CASZ1: variants seen among roughly 807,000 people sequenced by gnomAD.
CASZ1 encodes zinc finger protein castor homolog 1.
Under a neutral mutation model 135.2 loss-of-function variants are expected in CASZ1, and 28 were observed. The observed-to-expected ratio is 0.21, with a 90% CI of 0.15 to 0.28. The LOEUF (loss-of-function observed/expected upper bound fraction) is 0.28, where lower values mean the gene tolerates loss of function less well. Ranked by LOEUF, CASZ1 falls within the 10% of genes least tolerant of loss-of-function variation. The pLI is 1.00. For missense variants in CASZ1, 2,161 were observed against 2,453.3 expected (o/e 0.88, Z 2.52); for synonymous variants, 1,068 against 1,073.4 (o/e 0.99, Z 0.10).
chr1:10,710,376 C>T (rs942267751), intron 2 of CASZ1, among the ~76,000 whole-genome samples: 1 of 152,222 alleles, frequency 6.6e-6, no homozygotes, highest in Non-Finnish European at 1.5e-5. Context: ...CTCCCCACCC[C>T]TCCTGAGACC....
At chr1:10,796,127 A>G (rs868041461) in intron 1 of CASZ1, among the ~76,000 whole-genome samples, 49 of 151,498 alleles carry the variant, frequency 3.2e-4, no homozygotes, top group Middle Eastern at 3.4e-3. Flanking sequence ...CCCCCCCGGG[A>G]GCCCACAGCG....
Position 10,739,186 on chromosome 1 carries a change from G to A in CASZ1, c.-77+21515C>T, listed in dbSNP as rs1301086824. ...GGGTGGCTGCTCTTTTCAGGCCGGC[G>A]GCCAGTCCCCGGGCGTACAGCGTGC... On this transcript the variant is annotated intron_variant, in intron 2 of 20. Coordinates refer to ENST00000377022, the MANE Select transcript of CASZ1 (RefSeq NM_001079843.3). This position sits in a 1 kb window ranked among gnomAD's most constrained non-coding sequence, Gnocchi z 4.8. Among the ~76,000 whole-genome samples, 2 of 152,066 alleles carry A rather than the reference G, an allele frequency of 1.3e-5. No individual in the cohort carries two copies. The highest frequency in any genetic ancestry group is 4.8e-5 in the African/African-American group (2 of 41,384).
intron 4 of CASZ1, 23 bp from the exon 5 acceptor site, chr1:10,665,594 G>A (rs1038385719): frequency 1.8e-5 from 27 of 1,518,860 alleles, no homozygotes; most frequent in South Asian, 5.1e-5. Context: ...AGGAGAGCAC[G>A]GAGGTCAGAG....
intron 2 of CASZ1, among the ~76,000 whole-genome samples, chr1:10,758,809 G>A (rs1640308606): frequency 6.6e-6 from 1 of 152,202 alleles, no homozygotes; most frequent in African/African-American, 2.4e-5. Context: ...CCCTGCCACA[G>A]AGGACCCCCG....
At position 10,709,871 on chromosome 1, in the gene CASZ1, A is replaced by G. The variant is rs1362580162; in HGVS notation, c.-76-4327T>C. On this transcript the variant is annotated intron_variant, in intron 2 of 20. Transcript: ENST00000377022. This position sits in a 1 kb window ranked among gnomAD's most constrained non-coding sequence, Gnocchi z 5.1. ...AGGGGGCCGGCGGCCCGCACAGGCC[A>G]GCAGGTGCCCGATCGAGACAGAGGC... Among the ~76,000 whole-genome samples, 1 of 152,194 alleles carries G rather than the reference A, an allele frequency of 6.6e-6. No individual in the cohort carries two copies. Among genetic ancestry groups the G allele is most frequent in the Non-Finnish European group, 1.5e-5 (1 of 68,030 alleles).
rs949101426 is a variant in CASZ1 at position 10,776,825 on chromosome 1, G to A, written c.-233-15968C>T. On this transcript the variant is annotated intron_variant, in intron 1 of 20. Transcript: ENST00000377022. The surrounding 1 kb of genome is among the most constrained non-coding windows in gnomAD (Gnocchi z 4.1). ...TCTTGGGAGGTGGCTGCTTGCCAGC[G>A]ATGGAGATGGGGCTAGAACCACCTC... Among the ~76,000 whole-genome samples, 1 of 152,164 alleles carries A rather than the reference G, an allele frequency of 6.6e-6. No homozygotes were observed. Among genetic ancestry groups the A allele is most frequent in the African/African-American group, 2.4e-5 (1 of 41,424 alleles).
Position 10,785,135 on chromosome 1 carries a change from T to TCTTTCCTTCCTTCCTCCCTCCCTCCCTC in CASZ1, c.-234+11428_-234+11429insGAGGGAGGGAGGGAGGAAGGAAGGAAAG, listed in dbSNP as rs1553143550. Among the ~76,000 whole-genome samples the TCTTTCCTTCCTTCCTCCCTCCCTCCCTC allele has an allele frequency of 3.7e-5, 5 of 133,872 alleles. 1 individual carries two copies. The highest frequency in any genetic ancestry group is 1.4e-4 in the African/African-American group (5 of 34,820). 87.8% of individuals were successfully genotyped at this position (133,872 alleles called of 152,430 possible). On this transcript the variant is annotated intron_variant, in intron 1 of 20. Coordinates refer to ENST00000377022, the MANE Select transcript of CASZ1 (RefSeq NM_001079843.3). ...TTCCTTCCTTCTTTCCTTTCTTCCT[T>TCTTTCCTTCCTTCCTCCCTCCCTCCCTC]CCTTCCTCCCTCCCTTCTTTCCTTC...
In CASZ1 at chr1:10,653,627, G is replaced by A. The variant is rs1234625645; in HGVS notation, c.2430C>T (p.Ser810=). The change falls in exon 11 of 21, where the codon AGC becomes AGT. Residue 810 remains serine (S), a synonymous_variant. Coordinates refer to ENST00000377022, the MANE Select transcript of CASZ1 (RefSeq NM_001079843.3). ...PYFPILAGRG[S]TSLPVGTPSL... is the part of the protein sequence containing the mutation. ...TGGGGGTGCCCACAGGCAGGGAGGTGCTCCCACGGCCAGCCAGTATGGGGA... is the reference window on the plus strand; with the variant it reads ...TGGGGGTGCCCACAGGCAGGGAGGTACTCCCACGGCCAGCCAGTATGGGGA... 1 of 1,549,238 alleles carries A rather than the reference G, an allele frequency of 6.5e-7. No individual in the cohort carries two copies. Among genetic ancestry groups the A allele is most frequent in the Non-Finnish European group, 8.7e-7 (1 of 1,147,204 alleles).
In CASZ1 at chr1:10,647,786, C is replaced by T. The variant is rs1233217253; in HGVS notation, c.3497+15G>A. 1.1e-5 allele frequency: 18 copies of T among 1,612,922 alleles called. No homozygotes were observed. The highest frequency in any genetic ancestry group is 1.5e-5 in the Non-Finnish European group (18 of 1,180,016). On this transcript the variant is annotated intron_variant, in intron 16 of 20. Transcript: ENST00000377022. This position sits in a 1 kb window ranked among gnomAD's most constrained non-coding sequence, Gnocchi z 4.9. ...CGAGGGGAACGCGGGACTCCCGGCT[C>T]ATCGAGGGACTCACTTCTCCTGGAA...
chr1:10,680,539 G>A (rs1266439943), intron 4 of CASZ1, among the ~76,000 whole-genome samples: 1 of 152,186 alleles, frequency 6.6e-6, no homozygotes, highest in Non-Finnish European at 1.5e-5. Flanking sequence ...GTCTCAGGGG[G>A]TGCAGTGTTG....
intron 4 of CASZ1, among the ~76,000 whole-genome samples, chr1:10,675,031 T>C (rs1460416054): frequency 1.3e-5 from 2 of 150,212 alleles, no homozygotes; most frequent in African/African-American, 5.0e-5. Flanking sequence ...CGCAACCAAC[T>C]GTCATTAAAA....
chr1:10,704,719 GCAGC>G (rs1639135722), intron 3 of CASZ1, among the ~76,000 whole-genome samples: 1 of 152,258 alleles, frequency 6.6e-6, no homozygotes, highest in Non-Finnish European at 1.5e-5. Context: ...ATGGATGGCT[GCAGC>G]CAGCCAGCTC....
In CASZ1 at chr1:10,649,200, G is replaced by A; in HGVS notation, c.3036-8C>T. On this transcript the variant is annotated splice_polypyrimidine_tract_variant and splice_region_variant and intron_variant, in intron 14 of 20. Coordinates refer to ENST00000377022, the MANE Select transcript of CASZ1 (RefSeq NM_001079843.3). ...AAGTCCTTTGTACCAAACCTAGCCA[G>A]AGGAGCTGGCGTTAGAGGAGAGCCT... The A allele has an allele frequency of 6.2e-7, 1 of 1,613,354 alleles. No homozygotes were observed. Among genetic ancestry groups the A allele is most frequent in the Middle Eastern group, 1.7e-4 (1 of 6,060 alleles).
intron 2 of CASZ1, among the ~76,000 whole-genome samples, chr1:10,715,339 C>T (rs1402168523): frequency 6.6e-6 from 1 of 152,088 alleles, no homozygotes; most frequent in Non-Finnish European, 1.5e-5. Flanking sequence ...TAGAAGCAGT[C>T]CTGTACCCGC....
chr1:10,645,663 C>T (rs544119944), intron 17 of CASZ1, among the ~76,000 whole-genome samples: 6 of 152,226 alleles, frequency 3.9e-5, no homozygotes, highest in Non-Finnish European at 7.3e-5. Context: ...ATGTCTAGAC[C>T]TGGGCAGACA....
At chr1:10,754,990 T>C (rs975257362) in intron 2 of CASZ1, among the ~76,000 whole-genome samples, 1 of 152,216 alleles carries the variant, frequency 6.6e-6, no homozygotes, top group Non-Finnish European at 1.5e-5. Flanking sequence ...CCAGCTACCA[T>C]AGCAAGGCCC....
chr1:10,756,712 C>T lies in CASZ1; in HGVS notation c.-77+3989G>A, dbSNP rs1640264865. Among the ~76,000 whole-genome samples the T allele has an allele frequency of 6.6e-6, 1 of 152,182 alleles. No homozygotes were observed. The highest frequency in any genetic ancestry group is 2.4e-5 in the African/African-American group (1 of 41,442). On this transcript the variant is annotated intron_variant, in intron 2 of 20. Transcript: ENST00000377022. The surrounding 1 kb of genome is among the most constrained non-coding windows in gnomAD (Gnocchi z 5.9). ...AGCGGGGTACTGGGGCAATTCACAC[C>T]TTTGTGTGTGGCGACACTATTAGGA... is the stretch of plus-strand genomic sequence containing the variant.
intron 9 of CASZ1, 127 bp downstream of exon 9, chr1:10,655,522 G>T: frequency 1.1e-6 from 1 of 908,866 alleles, no homozygotes; most frequent in Non-Finnish European, 1.6e-6. Context: ...CCAGGGGAAA[G>T]AGAGGCTCCT....
intron 4 of CASZ1, among the ~76,000 whole-genome samples, chr1:10,675,021 C>T (rs974939573): frequency 1.3e-5 from 2 of 152,062 alleles, no homozygotes; most frequent in Non-Finnish European, 2.9e-5. Flanking sequence ...AGATACCCCC[C>T]GCAACCAACT....
Sources: gnomAD v4.1 joint callset for allele counts (sites outside exome capture counted in the v4.1 genomes callset) on GRCh38, gnomAD v4.1.1 for gene constraint, Gnocchi (gnomAD v3.1) non-coding constraint, MANE v1.5 for transcripts, NCBI Gene and HGNC (gene_info 2026-07-23, HGNC 2026-07-21) for gene names.